The following ZNF662 variants were observed in gnomAD, a reference collection of about 807,000 sequenced individuals.
ZNF662 encodes the protein zinc finger protein 662.
Under a neutral mutation model 12.4 loss-of-function variants are expected in ZNF662, and 14 were observed. The observed-to-expected ratio is 1.13, with a 90% CI of 0.75 to 1.77. ZNF662 has a LOEUF of 1.77. Ranked by LOEUF, ZNF662 falls within the 40% of genes most tolerant of loss-of-function variation. ZNF662 has a pLI of 0.00. For synonymous variants in ZNF662, 184 were observed against 176.4 expected, an observed-to-expected ratio of 1.04 and a Z score of -0.34; for missense variants, 550 against 515.6, an observed-to-expected ratio of 1.07 and a Z score of -0.65.
chr3:42,912,146 T>G (rs1014541785), intron 3 of ZNF662: 1 of 127,882 alleles, frequency 7.8e-6, no homozygotes, highest in Non-Finnish European at 1.6e-5. Flanking sequence ...ATCCTTTATA[T>G]AAATATATAA....
At chr3:42,907,880 T>A in intron 1 of ZNF662, 142 bp from the exon 2 acceptor site, 1 of 1,393,538 alleles carries the variant, frequency 7.2e-7, no homozygotes, top group African/African-American at 1.4e-5. Context: ...GGCAAAAATC[T>A]TCTGCTGATA....
At chr3:42,910,759 T>C (rs2088776215) in intron 3 of ZNF662, among the ~76,000 whole-genome samples, 1 of 152,214 alleles carries the variant, frequency 6.6e-6, no homozygotes, top group Non-Finnish European at 1.5e-5. Context: ...CATAGGGCTC[T>C]TATGTGGGCG....
rs1305980322 is a variant in ZNF662, at chr3:42,914,406, A to G, written c.333A>G (p.Leu111=). The G allele has an allele frequency of 1.9e-6, 3 of 1,613,700 alleles. No homozygotes were observed. The highest frequency in any genetic ancestry group is 4.5e-5 in the East Asian group (2 of 44,886). Residue 111 remains leucine, a synonymous_variant, in exon 5 of 5, where the codon CTA becomes CTG. Coordinates refer to ENST00000440367, the MANE Select transcript of ZNF662 (RefSeq NM_207404.4). ...IIEEAQDLMV[L]SSGPQWCGSQ... is the part of the protein sequence containing the mutation. ...AGGAAGCACAGGACCTCATGGTCCT[A>G]TCAAGTGGACCCCAGTGGTGTGGAT...
At chr3:42,912,265 CTTATATA>C (rs1287772621) in intron 3 of ZNF662, among the ~76,000 whole-genome samples, 3 of 118,644 alleles carry the variant, frequency 2.5e-5, no homozygotes, top group Non-Finnish European at 5.0e-5. Context: ...TAATATATAT[CTTATATA>C]TTATATATAA....
intron 3 of ZNF662, among the ~76,000 whole-genome samples, chr3:42,912,425 A>G (rs1179645782): frequency 1.0e-5 from 1 of 97,100 alleles, no homozygotes; most frequent in Non-Finnish European, 1.8e-5. Flanking sequence ...ATATATTAAT[A>G]TATATATAAT....
At chr3:42,909,977 G>A (rs1035636578) in intron 3 of ZNF662, among the ~76,000 whole-genome samples, 73 of 152,276 alleles carry the variant, frequency 4.8e-4, no homozygotes, top group African/African-American at 1.6e-3. Context: ...CTGCAATCTC[G>A]GCACTTTGGG....
At position 42,906,664 on chromosome 3, in the gene ZNF662, G is replaced by A. The variant is rs2088684290; in HGVS notation, c.-94+496G>A. On this transcript the variant is annotated intron_variant, in intron 1 of 4. Coordinates refer to ENST00000440367, the MANE Select transcript of ZNF662 (RefSeq NM_207404.4). This position sits in a 1 kb window ranked among gnomAD's most constrained non-coding sequence, Gnocchi z 4.4. The stretch of plus-strand genomic sequence containing the variant: ...CGACTGCTGGGGCAGAGCGCACAGA[G>A]TGCTGTCGGGGGCGATGAATGGCCA... Among the ~76,000 whole-genome samples, 1 of 152,236 alleles carries A rather than the reference G, an allele frequency of 6.6e-6. No homozygotes were observed. Among genetic ancestry groups the A allele is most frequent in the Non-Finnish European group, 1.5e-5 (1 of 68,038 alleles).
rs1300530736 is a variant in ZNF662 at position 42,906,427 on chromosome 3, C to T, written c.-94+259C>T. On this transcript the variant is annotated intron_variant, in intron 1 of 4. Coordinates refer to ENST00000440367, the MANE Select transcript of ZNF662 (RefSeq NM_207404.4). This position sits in a 1 kb window ranked among gnomAD's most constrained non-coding sequence, Gnocchi z 4.4. The stretch of plus-strand genomic sequence containing the variant: ...GCTGCTCCCGGGACAGCCCGCGCTG[C>T]CCCGGGCGCGCCGGGTGAGTGCGGG... 10 of 1,472,852 alleles carry T rather than the reference C, an allele frequency of 6.8e-6. No homozygotes were observed. The highest frequency in any genetic ancestry group is 2.7e-5 in the East Asian group (1 of 36,750). The allele number at this position is 1,472,852 out of a possible 1,614,324, so 91.2% of individuals were successfully genotyped here.
chr3:42,908,061 G>C lies in ZNF662; in HGVS notation c.-54G>C. ...CGAGGATGTGGCCGTCTACTTCTCT[G>C]AGAACGAATGGATCGGCCTGGGCCC... is the stretch of plus-strand genomic sequence containing the variant. On this transcript the variant is annotated 5_prime_UTR_variant, in exon 2 of 5. Coordinates refer to ENST00000440367, the MANE Select transcript of ZNF662 (RefSeq NM_207404.4). The C allele has an allele frequency of 1.9e-6, 3 of 1,614,176 alleles. No individual in the cohort carries two copies. The South Asian group carries it at 3.3e-5, about 18-fold the overall frequency.
At position 42,906,312 on chromosome 3, in the gene ZNF662, G is replaced by T; in HGVS notation, c.-94+144G>T. 1 of 1,523,504 alleles carries T rather than the reference G, an allele frequency of 6.6e-7. No individual in the cohort carries two copies. The highest frequency in any genetic ancestry group is 8.8e-7 in the Non-Finnish European group (1 of 1,139,206). The allele number at this position is 1,523,504 out of a possible 1,614,324, so 94.4% of individuals were successfully genotyped here. A position where few individuals can be genotyped will look rare whatever the true frequency, so the allele number is the denominator to read the frequency against. On this transcript the variant is annotated intron_variant, in intron 1 of 4. Transcript: ENST00000440367. This position sits in a 1 kb window ranked among gnomAD's most constrained non-coding sequence, Gnocchi z 4.4. ...CGCGACCCCAACAGCCTCTGGTCCGGTCTGGCGCGCCCTCGCTTTCCCAGA... is the reference window on the plus strand; with the variant it reads ...CGCGACCCCAACAGCCTCTGGTCCGTTCTGGCGCGCCCTCGCTTTCCCAGA...
intron 4 of ZNF662, among the ~76,000 whole-genome samples, chr3:42,913,893 C>T (rs2088862930): frequency 6.6e-6 from 1 of 152,034 alleles, no homozygotes; most frequent in South Asian, 2.1e-4. Context: ...TATGAGGAAG[C>T]TCATTCTTGC....
chr3:42,910,744 C>A (rs1438502790), intron 3 of ZNF662, among the ~76,000 whole-genome samples: 1 of 152,206 alleles, frequency 6.6e-6, no homozygotes, highest in Non-Finnish European at 1.5e-5. Context: ...CCCATTTCAT[C>A]TTCCCATAGG....
At chr3:42,912,375 AT>A (rs1268875762) in intron 3 of ZNF662, among the ~76,000 whole-genome samples, 13 of 101,532 alleles carry the variant, frequency 1.3e-4, no homozygotes, top group South Asian at 2.7e-4. Context: ...TATATGATAT[AT>A]TAAATATATA....
rs754424406 is a variant in ZNF662, at chr3:42,915,205, C to T, written c.1132C>T (p.His378Tyr). 3.9e-5 allele frequency: 63 copies of T among 1,614,156 alleles called. No homozygotes were observed. Among genetic ancestry groups the T allele is most frequent in the Non-Finnish European group, 5.2e-5 (61 of 1,180,026 alleles). Reference protein sequence around the residue: ...SFFCKAHLIRHQRIHTGERPY... With the variant: ...SFFCKAHLIRYQRIHTGERPY... ...CTTTTGCAAGGCACATCTTATTCGA[C>T]ATCAAAGAATCCATACTGGGGAAAG... Residue 378 changes from histidine to tyrosine, a missense_variant, in exon 5 of 5, where the codon CAT becomes TAT. His to Tyr is a moderately conservative substitution (Grantham distance 83). Coordinates refer to ENST00000440367, the MANE Select transcript of ZNF662 (RefSeq NM_207404.4).
rs145469087 is a variant in ZNF662, at chr3:42,917,326, C to G, written c.*1972C>G. ...ATTGTGATATGAGGAGATACTGGCT[C>G]TTCTGGAAAAGAGAGGCTTTTCTTC... is the stretch of plus-strand genomic sequence containing the variant. On this transcript the variant is annotated 3_prime_UTR_variant, in exon 5 of 5. Transcript: ENST00000440367. 8.8e-4 allele frequency: 524 copies of G among 598,096 alleles called. 3 individuals are homozygous for G. Among genetic ancestry groups the G allele is most frequent in the African/African-American group, 7.9e-3 (426 of 53,608 alleles). 37.0% of individuals were successfully genotyped at this position (598,096 alleles called of 1,614,324 possible).
intron 3 of ZNF662, 119 bp downstream of exon 3, chr3:42,909,028 C>T: frequency 3.3e-6 from 2 of 606,246 alleles, no homozygotes; most frequent in Middle Eastern, 3.4e-4. Context: ...TGCATTTCTT[C>T]TCTGTGTTCC....
chr3:42,908,378 CTTGTG>C (rs922264789), intron 2 of ZNF662: 2 of 1,335,316 alleles, frequency 1.5e-6, no homozygotes, highest in African/African-American at 2.9e-5. Context: ...AACCCCTACC[CTTGTG>C]TTGTGGGTAT....
chr3:42,911,479 A>C (rs1385284139), intron 3 of ZNF662, among the ~76,000 whole-genome samples: 1 of 152,164 alleles, frequency 6.6e-6, no homozygotes, highest in Non-Finnish European at 1.5e-5. Context: ...TCTTTGCTTT[A>C]GGTAGAAAAC....
chr3:42,911,097 G>C (rs1184905211), intron 3 of ZNF662, among the ~76,000 whole-genome samples: 3 of 152,114 alleles, frequency 2.0e-5, no homozygotes, highest in African/African-American at 7.2e-5. Flanking sequence ...GCCTTCCTTA[G>C]GCTTTAAACA....
Sources: gnomAD v4.1 joint callset for allele counts (sites outside exome capture counted in the v4.1 genomes callset) on GRCh38, gnomAD v4.1.1 for gene constraint, Gnocchi (gnomAD v3.1) non-coding constraint, MANE v1.5 for transcripts, NCBI Gene and HGNC (gene_info 2026-07-23, HGNC 2026-07-21) for gene names.